Variants in AOAH observed in about 807,000 individuals in gnomAD.
AOAH encodes acyloxyacyl hydrolase.
In AOAH, 64 loss-of-function variants were observed where a neutral mutation model predicts 92.2. The ratio of observed to expected loss-of-function variants is 0.69; its 90% CI spans 0.57 to 0.86. The LOEUF (loss-of-function observed/expected upper bound fraction) is 0.86, where lower values mean the gene tolerates loss of function less well. Ranked by LOEUF, AOAH falls within the 40% of genes least tolerant of loss-of-function variation. AOAH has a pLI of 0.00. For missense variants in AOAH, 656 were observed against 694.6 expected, an observed-to-expected ratio of 0.94 and a Z score of 0.62; for synonymous variants, 263 against 254.5, an observed-to-expected ratio of 1.03 and a Z score of -0.32.
Position 36,606,303 on chromosome 7 carries a change from A to AATC in AOAH, c.846+10074_846+10076dup, listed in dbSNP as rs1297353951. On this transcript the variant is annotated intron_variant, in intron 11 of 20. Transcript: ENST00000617537. ...AAGAGTAGCCAAATCTGATATACAA[A>AATC]ATCATCTCAAAGGGAGAAATGAAGT... 3.3e-5 allele frequency among the ~76,000 whole-genome samples: 5 copies of AATC among 152,294 alleles called. No homozygotes were observed. The East Asian group carries it at 9.6e-4, about 29-fold the overall frequency.
At chr7:36,689,014 A>G (rs770231547) in intron 1 of AOAH, among the ~76,000 whole-genome samples, 1 of 152,082 alleles carries the variant, frequency 6.6e-6, no homozygotes, top group Non-Finnish European at 1.5e-5. Context: ...GTTGGTCTCG[A>G]ACTCCTGGCC....
At chr7:36,723,498 C>T (rs1333362456) in intron 1 of AOAH, among the ~76,000 whole-genome samples, 1 of 152,156 alleles carries the variant, frequency 6.6e-6, no homozygotes, top group African/African-American at 2.4e-5. Context: ...TGTGCACATG[C>T]CACAGATTTA....
intron 13 of AOAH, among the ~76,000 whole-genome samples, chr7:36,575,349 A>G (rs1788414227): frequency 6.6e-6 from 1 of 152,230 alleles, no homozygotes; most frequent in Admixed American, 6.5e-5. Context: ...GTGGCTGAGG[A>G]AGAGAGTCTT....
In AOAH at chr7:36,517,147, T is replaced by G. The variant is rs1783769731; in HGVS notation, c.1600-3767A>C. On this transcript the variant is annotated intron_variant, in intron 20 of 20. Coordinates refer to ENST00000617537, the MANE Select transcript of AOAH (RefSeq NM_001637.4). ...GCACAGCTACCCTTTCCTCTCTTTATCCATGTTAGTCTTTCTTTCTTTCTT... is the reference window on the plus strand; with the variant it reads ...GCACAGCTACCCTTTCCTCTCTTTAGCCATGTTAGTCTTTCTTTCTTTCTT... Among the ~76,000 whole-genome samples the G allele has an allele frequency of 2.0e-5, 3 of 151,806 alleles. No individual in the cohort carries two copies. The Admixed American group carries it at 2.0e-4, about 10-fold the overall frequency.
chr7:36,514,260 C>T (rs894999753), intron 20 of AOAH, among the ~76,000 whole-genome samples: 15 of 150,180 alleles, frequency 1.0e-4, no homozygotes, highest in Non-Finnish European at 1.6e-4. Context: ...GTAGAGGACA[C>T]GGCGTGTGCA....
intron 13 of AOAH, chr7:36,549,963 C>T (rs1583791639): frequency 6.4e-6 from 1 of 156,980 alleles, no homozygotes; most frequent in Admixed American, 6.5e-5. Flanking sequence ...CTGGTCAACA[C>T]AAGGTTCAGA....
intron 1 of AOAH, among the ~76,000 whole-genome samples, chr7:36,692,894 A>G (rs576930927): frequency 6.6e-6 from 1 of 152,326 alleles, no homozygotes; most frequent in Admixed American, 6.5e-5. Context: ...GTAATCTCTC[A>G]GTGATAGCCT....
intron 1 of AOAH, among the ~76,000 whole-genome samples, chr7:36,695,301 T>C (rs1222110842): frequency 2.0e-5 from 3 of 152,186 alleles, no homozygotes; most frequent in African/African-American, 4.8e-5. Flanking sequence ...CTTTTATAAT[T>C]AGAAAAAAGC....
intron 6 of AOAH, among the ~76,000 whole-genome samples, chr7:36,629,238 C>A (rs934396534): frequency 3.3e-5 from 5 of 152,140 alleles, no homozygotes; most frequent in Admixed American, 2.6e-4. Flanking sequence ...ACAGTTTTTG[C>A]TTTTTCATAA....
At position 36,513,359 on chromosome 7, in the gene AOAH, C is replaced by A; in HGVS notation, c.1621G>T (p.Asp541Tyr). ...PNEVALLLLA[D>Y]HFWKKVQLQW... Reference sequence around the variant, plus strand: ...AGCTGCACCTTTTTCCAGAAATGATCCGCCAACAACAGCAAAGCCACCTGT... The same window carrying A: ...AGCTGCACCTTTTTCCAGAAATGATACGCCAACAACAGCAAAGCCACCTGT... The change falls in exon 21 of 21, where the codon GAT (aspartate) becomes TAT (tyrosine). Residue 541 changes from aspartate to tyrosine, a missense_variant. Asp to Tyr is a radical substitution (Grantham distance 160). Transcript: ENST00000617537. The A allele has an allele frequency of 6.2e-7, 1 of 1,614,048 alleles. No homozygotes were observed. The highest frequency in any genetic ancestry group is 8.5e-7 in the Non-Finnish European group (1 of 1,179,920).
At chr7:36,686,907 G>T (rs1397967281) in intron 1 of AOAH, 113 bp from the exon 2 acceptor site, 4 of 538,772 alleles carry the variant, frequency 7.4e-6, no homozygotes, top group Non-Finnish European at 9.2e-6. Context: ...TCCTTAAGAA[G>T]GCCAACCTTT....
At chr7:36,578,901 A>G (rs991053214) in intron 12 of AOAH, among the ~76,000 whole-genome samples, 13 of 152,204 alleles carry the variant, frequency 8.5e-5, no homozygotes, top group Non-Finnish European at 1.3e-4. Flanking sequence ...TGCAGGGTGT[A>G]AAGGAAGCAT....
At chr7:36,567,888 T>C (rs1290255239) in intron 13 of AOAH, among the ~76,000 whole-genome samples, 1 of 152,220 alleles carries the variant, frequency 6.6e-6, no homozygotes, top group Non-Finnish European at 1.5e-5. Flanking sequence ...CTCCTTCTGC[T>C]AGACACTGTA....
At chr7:36,596,173 C>CGCAA (rs57178014) in intron 11 of AOAH, among the ~76,000 whole-genome samples, 4 of 146,708 alleles carry the variant, frequency 2.7e-5, no homozygotes, top group African/African-American at 1.0e-4. Context: ...GCCCCCCCAC[C>CGCAA]CCCCGTCACC....
chr7:36,632,615 C>T (rs555072935), intron 5 of AOAH, among the ~76,000 whole-genome samples: 18 of 152,272 alleles, frequency 1.2e-4, no homozygotes, highest in Admixed American at 8.5e-4. Context: ...CTATGAGGCT[C>T]CAGATGTGGG....
At chr7:36,619,309 G>T (rs1431007853) in intron 9 of AOAH, among the ~76,000 whole-genome samples, 1 of 152,154 alleles carries the variant, frequency 6.6e-6, no homozygotes, top group Admixed American at 6.5e-5. Flanking sequence ...GGATAGGTAT[G>T]AAAGTGATAT....
At chr7:36,529,182 T>A (rs1562537251) in intron 19 of AOAH, among the ~76,000 whole-genome samples, 1 of 152,020 alleles carries the variant, frequency 6.6e-6, no homozygotes, top group Non-Finnish European at 1.5e-5. Context: ...GAGAATTGCC[T>A]GCAGTCCCAG....
At chr7:36,623,967 C>T (rs188372216) in intron 6 of AOAH, among the ~76,000 whole-genome samples, 63 of 152,332 alleles carry the variant, frequency 4.1e-4, no homozygotes, top group Middle Eastern at 6.8e-3. Flanking sequence ...CCGATTCACA[C>T]TTCAGCTATA....
chr7:36,530,117 G>A (rs1241817059), intron 19 of AOAH, among the ~76,000 whole-genome samples: 2 of 152,200 alleles, frequency 1.3e-5, no homozygotes, highest in Non-Finnish European at 2.9e-5. Context: ...ACAGGTTAGT[G>A]AGTGCATTAA....
Sources: allele counts gnomAD v4.1 joint callset (sites outside exome capture counted in the v4.1 genomes callset), GRCh38; gene constraint gnomAD v4.1.1; transcripts MANE v1.5; gene names NCBI Gene and HGNC (gene_info 2026-07-23, HGNC 2026-07-21).